The following OLFM1 variants were observed in gnomAD, a reference collection of about 807,000 sequenced individuals.
OLFM1 encodes the protein noelin.
OLFM1 carries 9 observed loss-of-function variants against 49.7 expected under a neutral mutation model. The observed-to-expected ratio is 0.18, with a 90% CI of 0.11 to 0.32. The LOEUF (loss-of-function observed/expected upper bound fraction) is 0.32. Ranked by LOEUF, OLFM1 falls within the 10% of genes least tolerant of loss-of-function variation. The pLI, the probability that OLFM1 is intolerant of heterozygous loss-of-function variation, is 1.00. For synonymous variants in OLFM1, 240 were observed against 271.8 expected (o/e 0.88, Z 1.15); for missense variants, 369 against 661.8 (o/e 0.56, Z 4.85).
Position 135,088,256 on chromosome 9 carries a change from G to A in OLFM1, c.150+117G>A, listed in dbSNP as rs773002598. On this transcript the variant is annotated intron_variant, in intron 1 of 5. Coordinates refer to ENST00000371793, the MANE Select transcript of OLFM1 (RefSeq NM_001282611.2). The surrounding 1 kb of genome is among the most constrained non-coding windows in gnomAD (Gnocchi z 4.8). ...CGCGGGACCCGAGTCGCCCAGGGAG[G>A]CGGCGGGGAGCAGGGCGGGCAAGGG... The A allele has an allele frequency of 1.0e-4, 100 of 1,001,506 alleles. No individual in the cohort carries two copies. The highest frequency in any genetic ancestry group is 1.2e-4 in the Non-Finnish European group (98 of 788,264). The allele number at this position is 1,001,506 out of a possible 1,614,324, so 62.0% of individuals were successfully genotyped here.
At chr9:135,075,782 A>C (rs1210496973) in exon 1 of OLFM1, 1 of 1,606,484 alleles carries the variant, frequency 6.2e-7, no homozygotes, top group Non-Finnish European at 8.5e-7. Flanking sequence ...CCTCATCCTG[A>C]TGGGCACTGA....
chr9:135,082,092 C>A (rs1484559233), intron 1 of OLFM1, among the ~76,000 whole-genome samples: 1 of 152,248 alleles, frequency 6.6e-6, no homozygotes, highest in Non-Finnish European at 1.5e-5. Flanking sequence ...AGCAGACCTG[C>A]TCGCCCCAAA....
At position 135,113,540 on chromosome 9, in the gene OLFM1, C is replaced by T. The variant is rs918480382; in HGVS notation, c.784-5964C>T. ...GGCACAGAGAGGGGTGGAAACTCCC[C>T]AGGTCTCGCTGGAGACTGGCGGTGG... On this transcript the variant is annotated intron_variant, in intron 5 of 5. Transcript: ENST00000371793. The surrounding 1 kb of genome is among the most constrained non-coding windows in gnomAD (Gnocchi z 4.0). Among the ~76,000 whole-genome samples the T allele has an allele frequency of 6.6e-6, 1 of 152,154 alleles. No individual in the cohort carries two copies. Among genetic ancestry groups the T allele is most frequent in the Non-Finnish European group, 1.5e-5 (1 of 68,010 alleles).
At chr9:135,077,180 G>T in intron 1 of OLFM1, 2 of 1,542,300 alleles carry the variant, frequency 1.3e-6, no homozygotes, top group Non-Finnish European at 1.8e-6. Context: ...GCACACACAG[G>T]GGAGCAGATA....
At chr9:135,114,031 C>T (rs916141474) in intron 5 of OLFM1, among the ~76,000 whole-genome samples, 17 of 152,006 alleles carry the variant, frequency 1.1e-4, no homozygotes, top group Middle Eastern at 3.2e-3. Flanking sequence ...TGGCTCCTCC[C>T]TGTGTCTGTG....
intron 3 of OLFM1, among the ~76,000 whole-genome samples, chr9:135,096,814 G>A (rs1830804984): frequency 6.6e-6 from 1 of 152,126 alleles, no homozygotes; most frequent in Non-Finnish European, 1.5e-5. Context: ...GACTTGCAGG[G>A]AAAAAAGAGA....
At chr9:135,078,045 G>A (rs1335066828) in intron 1 of OLFM1, among the ~76,000 whole-genome samples, 4 of 152,164 alleles carry the variant, frequency 2.6e-5, no homozygotes, top group Non-Finnish European at 4.4e-5. Flanking sequence ...GGGTGTGGGG[G>A]CAGGACCAGC....
At chr9:135,108,096 G>C (rs972419101) in intron 5 of OLFM1, among the ~76,000 whole-genome samples, 1 of 152,222 alleles carries the variant, frequency 6.6e-6, no homozygotes, top group Non-Finnish European at 1.5e-5. Flanking sequence ...AGACTGCAGA[G>C]CCGGGATACA....
intron 1 of OLFM1, chr9:135,076,539 G>C (rs1367187707): frequency 1.7e-6 from 2 of 1,197,128 alleles, no homozygotes; most frequent in East Asian, 5.2e-5. Context: ...GGCAGGTCTT[G>C]GGGGAGGAGA....
At chr9:135,077,315 G>A (rs748939470) in intron 1 of OLFM1, 27 of 1,391,688 alleles carry the variant, frequency 1.9e-5, no homozygotes, top group Middle Eastern at 5.3e-4. Flanking sequence ...GGACATGGCC[G>A]CACCCAAGGG....
intron 5 of OLFM1, among the ~76,000 whole-genome samples, chr9:135,115,531 C>T (rs1464493396): frequency 6.6e-6 from 1 of 152,258 alleles, no homozygotes; most frequent in African/African-American, 2.4e-5. Context: ...TTCAGCCTCA[C>T]CCACTGACGT....
chr9:135,111,126 T>G (rs1036261280), intron 5 of OLFM1, among the ~76,000 whole-genome samples: 3 of 152,122 alleles, frequency 2.0e-5, no homozygotes, highest in Admixed American at 6.5e-5. Flanking sequence ...GGTGCAGAGG[T>G]TCAGACAGCC....
rs570051927 is a variant in OLFM1 at position 135,075,612 on chromosome 9, C to T, written c.-95C>T. 3 of 812,540 alleles carry T rather than the reference C, an allele frequency of 3.7e-6. No homozygotes were observed. The East Asian group carries it at 1.0e-4, about 28-fold the overall frequency. The allele number at this position is 812,540 out of a possible 1,614,324, so 50.3% of individuals were successfully genotyped here. On this transcript the variant is annotated 5_prime_UTR_variant, in exon 1 of 6. Transcript: ENST00000252854. ...CTGAATCCAGGCGTGGGGACACGAG[C>T]CAGGCGCCGCCGCCGGAGCCAGCGG...
intron 2 of OLFM1, among the ~76,000 whole-genome samples, chr9:135,094,161 G>T (rs1041501898): frequency 6.6e-6 from 1 of 152,116 alleles, no homozygotes; most frequent in Non-Finnish European, 1.5e-5. Context: ...GCTTCCTCCG[G>T]CCATGTGGCT....
chr9:135,104,669 G>A (rs1049157428), intron 4 of OLFM1, among the ~76,000 whole-genome samples: 1 of 152,248 alleles, frequency 6.6e-6, no homozygotes, highest in Admixed American at 6.5e-5. Context: ...CCAGCCTCTG[G>A]ATGGCAGGGA....
At chr9:135,090,388 G>GTGTGTGTT (rs1830668608) in intron 2 of OLFM1, 44 bp downstream of exon 2, 5 of 1,270,246 alleles carry the variant, frequency 3.9e-6, no homozygotes, top group Non-Finnish European at 5.3e-6. Flanking sequence ...GTGTGTGTTT[G>GTGTGTGTT]TGTGTGTGTG....
In OLFM1 at chr9:135,119,495, T is replaced by G; in HGVS notation, c.784-9T>G. ...GAAGTGCTCACCACCGGGTCTGCTC[T>G]CTCCACAGGTGTGGTACATGGACGG... On this transcript the variant is annotated splice_polypyrimidine_tract_variant and intron_variant, in intron 5 of 5. Coordinates refer to ENST00000371793, the MANE Select transcript of OLFM1 (RefSeq NM_001282611.2). The G allele has an allele frequency of 6.3e-7, 1 of 1,586,984 alleles. No individual in the cohort carries two copies. The highest frequency in any genetic ancestry group is 8.6e-7 in the Non-Finnish European group (1 of 1,166,242).
At chr9:135,103,782 A>T (rs1830902149) in intron 4 of OLFM1, among the ~76,000 whole-genome samples, 1 of 151,436 alleles carries the variant, frequency 6.6e-6, no homozygotes, top group Non-Finnish European at 1.5e-5. Context: ...TGGAGCTCTG[A>T]CTCTGTGGCA....
At chr9:135,099,443 G>A (rs1830841792) in intron 4 of OLFM1, among the ~76,000 whole-genome samples, 1 of 151,906 alleles carries the variant, frequency 6.6e-6, no homozygotes, top group Non-Finnish European at 1.5e-5. Flanking sequence ...CACTCCAAGT[G>A]CCTTACTATA....
Sources: allele counts gnomAD v4.1 joint callset (sites outside exome capture counted in the v4.1 genomes callset), GRCh38; gene constraint gnomAD v4.1.1; non-coding constraint Gnocchi (gnomAD v3.1); transcripts MANE v1.5; gene names NCBI Gene and HGNC (gene_info 2026-07-23, HGNC 2026-07-21).